The following DLC1 variants were observed in gnomAD, a reference collection of about 807,000 sequenced individuals.
DLC1 encodes DLC1 Rho GTPase activating protein, also known as rho GTPase-activating protein 7.
DLC1 carries 54 observed loss-of-function variants against 140.3 expected under a neutral mutation model. That is an observed-to-expected ratio of 0.38 (90% CI 0.31 to 0.48). The LOEUF is 0.48. DLC1 is among the 20% of genes least tolerant of loss of function. DLC1 has a pLI of 0.96. For synonymous variants in DLC1, 986 were observed against 728.1 expected (o/e 1.35, Z -5.70); for missense variants, 2,536 against 1,907.0 (o/e 1.33, Z -6.14).
intron 5 of DLC1, among the ~76,000 whole-genome samples, chr8:13,128,881 G>A (rs1287139574): frequency 5.3e-5 from 1 of 18,766 alleles, no homozygotes; most frequent in Non-Finnish European, 1.2e-4. Context: ...TAATGTGAAG[G>A]CTTTCTTCCT....
intron 1 of DLC1, among the ~76,000 whole-genome samples, chr8:13,572,501 T>A (rs2410091): frequency 0.71 from 108,263 of 151,778 alleles, 38,663 homozygotes; most frequent in Admixed American, 0.77. Context: ...AGTTCAGTTT[T>A]TCTATTTCTT....
At chr8:13,603,774 G>A (rs377445480) in intron 1 of DLC1, among the ~76,000 whole-genome samples, 1 of 152,092 alleles carries the variant, frequency 6.6e-6, no homozygotes, top group Non-Finnish European at 1.5e-5. Context: ...TGTAAGGAAA[G>A]CCATGGTATC....
intron 1 of DLC1, among the ~76,000 whole-genome samples, chr8:13,570,363 T>A (rs1804606533): frequency 6.6e-6 from 1 of 150,504 alleles, no homozygotes; most frequent in Admixed American, 6.6e-5. Context: ...GTTACATATG[T>A]ATACATGTGC....
At chr8:13,415,436 T>C (rs930717225) in intron 2 of DLC1, among the ~76,000 whole-genome samples, 6 of 151,200 alleles carry the variant, frequency 4.0e-5, no homozygotes, top group African/African-American at 1.2e-4. Context: ...ATCTTGCTCT[T>C]TCACCCAGGC....
intron 5 of DLC1, among the ~76,000 whole-genome samples, chr8:13,129,930 G>A (rs1208296822): frequency 6.6e-6 from 1 of 152,114 alleles, no homozygotes; most frequent in Admixed American, 6.6e-5. Context: ...TTTTTGCATG[G>A]CCTCATTTCC....
intron 5 of DLC1, among the ~76,000 whole-genome samples, chr8:13,300,945 G>A (rs1832168588): frequency 6.6e-6 from 1 of 152,194 alleles, no homozygotes; most frequent in South Asian, 2.1e-4. Flanking sequence ...GTGAAGGCCT[G>A]CATGGAAGCA....
At chr8:13,254,539 G>C (rs1830136242) in intron 5 of DLC1, among the ~76,000 whole-genome samples, 1 of 152,114 alleles carries the variant, frequency 6.6e-6, no homozygotes, top group Non-Finnish European at 1.5e-5. Flanking sequence ...TTCCACAGTT[G>C]CATAATAAAC....
chr8:13,273,652 G>A (rs558532183), intron 5 of DLC1, among the ~76,000 whole-genome samples: 1 of 129,894 alleles, frequency 7.7e-6, no homozygotes, highest in South Asian at 2.6e-4. Context: ...GATGCTTTTT[G>A]TACATGATAT....
Position 13,356,875 on chromosome 8 carries a change from A to G in DLC1, c.1314+36678T>C, listed in dbSNP as rs553080559. 4.6e-5 allele frequency among the ~76,000 whole-genome samples: 7 copies of G among 150,762 alleles called. 1 individual carries two copies. In the South Asian group the frequency reaches 1.5e-3, roughly 32 times the overall value. On this transcript the variant is annotated intron_variant, in intron 4 of 17. Transcript: ENST00000276297. ...TTTATTTTTTATTATTTATTTATTT[A>G]TTATTATTTTTTTACTTCACCCTTA...
At chr8:13,373,246 C>G (rs1235470194) in intron 4 of DLC1, among the ~76,000 whole-genome samples, 1 of 152,100 alleles carries the variant, frequency 6.6e-6, no homozygotes, top group East Asian at 1.9e-4. Flanking sequence ...CTTGTCTTCC[C>G]AGATAATGAC....
intron 1 of DLC1, among the ~76,000 whole-genome samples, chr8:13,603,220 G>A (rs1349584657): frequency 6.6e-6 from 1 of 151,728 alleles, no homozygotes; most frequent in African/African-American, 2.4e-5. Context: ...ACATCGTGAT[G>A]TTAGACATCA....
At chr8:13,439,815 A>G (rs1048862588) in intron 2 of DLC1, among the ~76,000 whole-genome samples, 1 of 152,158 alleles carries the variant, frequency 6.6e-6, no homozygotes, top group Non-Finnish European at 1.5e-5. Context: ...TGCTCACCAT[A>G]GGAAAGAATG....
At chr8:13,343,265 G>C (rs1834160479) in intron 4 of DLC1, among the ~76,000 whole-genome samples, 1 of 152,156 alleles carries the variant, frequency 6.6e-6, no homozygotes, top group Admixed American at 6.6e-5. Context: ...GCAGCCTTAA[G>C]TGTAGATACA....
chr8:13,377,291 G>A (rs1391429378), intron 4 of DLC1, among the ~76,000 whole-genome samples: 1 of 152,158 alleles, frequency 6.6e-6, no homozygotes, highest in Non-Finnish European at 1.5e-5. Flanking sequence ...GAATTTGGAA[G>A]TAATCATGCA....
At chr8:13,547,883 T>C (rs1803706566) in intron 1 of DLC1, among the ~76,000 whole-genome samples, 1 of 47,960 alleles carries the variant, frequency 2.1e-5, no homozygotes, top group Admixed American at 3.0e-4. Flanking sequence ...CGCGTTTCCT[T>C]TCTTGGAATC....
intron 1 of DLC1, among the ~76,000 whole-genome samples, chr8:13,560,145 T>C (rs577369501): frequency 2.0e-5 from 3 of 152,230 alleles, no homozygotes; most frequent in Admixed American, 6.5e-5. Flanking sequence ...CATATTCATT[T>C]TGAATATAGC....
chr8:13,405,976 C>A (rs1373153436), intron 2 of DLC1, among the ~76,000 whole-genome samples: 1 of 36,656 alleles, frequency 2.7e-5, no homozygotes, highest in Non-Finnish European at 5.5e-5. Context: ...TTTCTTTCAT[C>A]TCTCTCTCTC....
At chr8:13,162,135 A>T (rs138236129) in intron 5 of DLC1, among the ~76,000 whole-genome samples, 1 of 152,212 alleles carries the variant, frequency 6.6e-6, no homozygotes, top group Admixed American at 6.5e-5. Flanking sequence ...GGCTGCCTCA[A>T]TGTATAGCCA....
chr8:13,156,181 G>C (rs568245484), intron 5 of DLC1, among the ~76,000 whole-genome samples: 2 of 152,226 alleles, frequency 1.3e-5, no homozygotes, highest in South Asian at 4.1e-4. Flanking sequence ...AAGTTAGCTT[G>C]CTTAATATAT....
Sources: allele counts gnomAD v4.1 joint callset (sites outside exome capture counted in the v4.1 genomes callset), GRCh38; gene constraint gnomAD v4.1.1; transcripts MANE v1.5; gene names NCBI Gene and HGNC (gene_info 2026-07-23, HGNC 2026-07-21).